Variants in GRM5 observed in about 807,000 individuals in gnomAD.
GRM5 encodes the protein glutamate metabotropic receptor 5.
A neutral mutation model predicts 83.1 loss-of-function variants in GRM5; 19 were observed. That is an observed-to-expected ratio of 0.23 (90% CI 0.16 to 0.34). The LOEUF (loss-of-function observed/expected upper bound fraction) is 0.34, where lower values mean the gene tolerates loss of function less well. Ranked by LOEUF, GRM5 falls within the 10% of genes least tolerant of loss-of-function variation. GRM5 has a pLI of 1.00. For missense variants in GRM5, 1,160 were observed against 1,588.3 expected (o/e 0.73, Z 4.58); for synonymous variants, 675 against 633.6 (o/e 1.07, Z -0.98).
chr11:89,039,188 C>A (rs1396158202), intron 2 of GRM5, among the ~76,000 whole-genome samples: 1 of 151,842 alleles, frequency 6.6e-6, no homozygotes, highest in Admixed American at 6.6e-5. Flanking sequence ...TTGCTTGAAC[C>A]TGGGAGGCGG....
chr11:88,657,526 C>T (rs559491412), intron 3 of GRM5, among the ~76,000 whole-genome samples: 1 of 152,244 alleles, frequency 6.6e-6, no homozygotes, highest in South Asian at 2.1e-4. Context: ...ATCTTAAGGA[C>T]ATGCTAATCT....
chr11:88,603,035 G>C (rs991431767), intron 5 of GRM5, among the ~76,000 whole-genome samples: 28 of 152,160 alleles, frequency 1.8e-4, no homozygotes, highest in African/African-American at 2.4e-5. Flanking sequence ...TGCAAGGATA[G>C]ACTCAAAGCA....
chr11:88,553,584 C>T (rs1942559542), intron 8 of GRM5, among the ~76,000 whole-genome samples: 1 of 152,052 alleles, frequency 6.6e-6, no homozygotes, highest in Admixed American at 6.6e-5. Flanking sequence ...GAACAGGCCA[C>T]AGCATAGGGG....
chr11:88,512,432 GA>G (rs1415352023), intron 9 of GRM5: 1 of 154,122 alleles, frequency 6.5e-6, no homozygotes, highest in Admixed American at 6.5e-5. Flanking sequence ...AAAAACAAAA[GA>G]AACTCCCTAC....
chr11:88,773,277 C>A lies in GRM5; in HGVS notation c.911+76629G>T, dbSNP rs114769631. ...TGAGAAGTGTCTGTCTGTTCATATC[C>A]TTTGTCCACTTTTTGATGTGGCTGT... On this transcript the variant is annotated intron_variant, in intron 3 of 9. Transcript: ENST00000305447. Among the ~76,000 whole-genome samples the A allele has an allele frequency of 3.8e-3, 575 of 152,248 alleles. 1 individual carries two copies. Among genetic ancestry groups the A allele is most frequent in the African/African-American group, 0.013 (540 of 41,562 alleles).
intron 4 of GRM5, among the ~76,000 whole-genome samples, chr11:88,648,195 C>T (rs1284919330): frequency 6.6e-6 from 1 of 151,828 alleles, no homozygotes; most frequent in African/African-American, 2.4e-5. Context: ...TATAAAGACA[C>T]ATGCACACGT....
intron 2 of GRM5, among the ~76,000 whole-genome samples, chr11:88,951,935 T>G (rs1450874064): frequency 1.3e-5 from 2 of 152,228 alleles, no homozygotes; most frequent in Admixed American, 6.5e-5. Flanking sequence ...TGCTTTTGAC[T>G]GCTCTATATT....
At chr11:88,528,490 T>A (rs1251746624) in intron 8 of GRM5, among the ~76,000 whole-genome samples, 1 of 151,828 alleles carries the variant, frequency 6.6e-6, no homozygotes, top group Non-Finnish European at 1.5e-5. Flanking sequence ...AACTCAACAT[T>A]TTTTTCCAGT....
chr11:88,764,036 T>C (rs1019960955), intron 3 of GRM5, among the ~76,000 whole-genome samples: 5 of 151,528 alleles, frequency 3.3e-5, no homozygotes, highest in South Asian at 2.1e-4. Flanking sequence ...AGATACGCCA[T>C]GCAAATACAA....
At chr11:89,030,154 G>T (rs905893821) in intron 2 of GRM5, among the ~76,000 whole-genome samples, 3 of 151,874 alleles carry the variant, frequency 2.0e-5, no homozygotes, top group African/African-American at 7.3e-5. Context: ...GTATTTTTTT[G>T]ATCAGCTGAC....
At chr11:88,704,915 A>T (rs1941119392) in intron 3 of GRM5, among the ~76,000 whole-genome samples, 1 of 151,930 alleles carries the variant, frequency 6.6e-6, no homozygotes, top group Admixed American at 6.6e-5. Flanking sequence ...GTCTCACTTC[A>T]TATTGTTTGC....
intron 2 of GRM5, among the ~76,000 whole-genome samples, chr11:88,930,696 C>T (rs1033071093): frequency 1.7e-4 from 26 of 151,840 alleles, no homozygotes; most frequent in South Asian, 6.2e-4. Context: ...TACAGGCATC[C>T]GCCACCACGC....
chr11:88,871,927 G>A (rs895142653), intron 2 of GRM5, among the ~76,000 whole-genome samples: 6 of 150,990 alleles, frequency 4.0e-5, no homozygotes, highest in Non-Finnish European at 7.4e-5. Context: ...AAGTTCAATA[G>A]AATTCATTAA....
chr11:89,023,313 A>G (rs1170516236), intron 2 of GRM5, among the ~76,000 whole-genome samples: 1 of 151,736 alleles, frequency 6.6e-6, no homozygotes, highest in Non-Finnish European at 1.5e-5. Context: ...ACCCCCAAAC[A>G]CTCTTCTTCT....
At chr11:88,570,952 T>C (rs1942987020) in intron 7 of GRM5, among the ~76,000 whole-genome samples, 1 of 152,114 alleles carries the variant, frequency 6.6e-6, no homozygotes, top group African/African-American at 2.4e-5. Flanking sequence ...GGTCTGTTTC[T>C]ACTGCTAGGT....
At chr11:88,860,204 T>C (rs893362349) in intron 2 of GRM5, among the ~76,000 whole-genome samples, 1 of 151,996 alleles carries the variant, frequency 6.6e-6, no homozygotes, top group Admixed American at 6.6e-5. Flanking sequence ...AATATTGGAG[T>C]CTTCCTCATT....
chr11:88,853,757 C>T (rs1944425650), intron 2 of GRM5, among the ~76,000 whole-genome samples: 1 of 151,260 alleles, frequency 6.6e-6, no homozygotes, highest in African/African-American at 2.4e-5. Flanking sequence ...AGAGTTGATG[C>T]AGATAATTTT....
In GRM5 at chr11:88,656,575, A is replaced by G. The variant is rs76593429; in HGVS notation, c.912-3172T>C. ...TTCATACTACAAACTTACAGTATCT[A>G]TTTAGCGCCATCTTTTGCATGTTCG... On this transcript the variant is annotated intron_variant, in intron 3 of 9. Transcript: ENST00000305447. 4.0e-3 allele frequency among the ~76,000 whole-genome samples: 607 copies of G among 152,176 alleles called. 2 individuals are homozygous for G. Among genetic ancestry groups the G allele is most frequent in the African/African-American group, 0.013 (558 of 41,534 alleles).
chr11:88,534,940 T>C (rs756087586), intron 8 of GRM5, among the ~76,000 whole-genome samples: 1 of 152,194 alleles, frequency 6.6e-6, no homozygotes, highest in Non-Finnish European at 1.5e-5. Context: ...TTTGCTTGGC[T>C]GTCATTCTCT....
Sources: gnomAD v4.1 joint callset for allele counts (sites outside exome capture counted in the v4.1 genomes callset) on GRCh38, gnomAD v4.1.1 for gene constraint, MANE v1.5 for transcripts, NCBI Gene and HGNC (gene_info 2026-07-23, HGNC 2026-07-21) for gene names.